The following NFATC3 variants were observed in gnomAD, a reference collection of about 807,000 sequenced individuals.
NFATC3 encodes nuclear factor of activated T cells 3.
A neutral mutation model predicts 98.6 loss-of-function variants in NFATC3; 46 were observed. The ratio of observed to expected loss-of-function variants is 0.47; its 90% CI spans 0.37 to 0.60. The LOEUF (loss-of-function observed/expected upper bound fraction) is 0.60, where lower values mean the gene tolerates loss of function less well. Ranked by LOEUF, NFATC3 falls within the 20% of genes least tolerant of loss-of-function variation. The pLI is 0.00. For synonymous variants in NFATC3, 512 were observed against 472.2 expected (o/e 1.08, Z -1.09); for missense variants, 1,256 against 1,295.5 (o/e 0.97, Z 0.47).
At position 68,226,423 on chromosome 16, in the gene NFATC3, C is replaced by G. The variant is rs1035321962; in HGVS notation, c.3180C>G (p.Pro1060=). 1.7e-5 allele frequency: 26 copies of G among 1,567,278 alleles called. No individual in the cohort carries two copies. The Middle Eastern group carries it at 5.0e-4, about 30-fold the overall frequency. ...SQGAGVSRQA[P]LPSPESLDLG... The stretch of plus-strand genomic sequence containing the variant: ...GAGCAGGGGTGAGCAGGCAGGCTCC[C>G]CTCCCGAGTCCTGAGTCCCTGGATT... Residue 1060 remains proline, a synonymous_variant, in exon 10 of 10, where the codon CCC becomes CCG. Coordinates refer to ENST00000346183, the MANE Select transcript of NFATC3 (RefSeq NM_173165.3).
chr16:68,189,906 A>G (rs2040364845), intron 8 of NFATC3, among the ~76,000 whole-genome samples: 1 of 152,154 alleles, frequency 6.6e-6, no homozygotes, highest in Admixed American at 6.5e-5. Context: ...TCCACAAAAA[A>G]TAAACATGAG....
Position 68,144,661 on chromosome 16 carries a change from A to AT in NFATC3, c.1402-13200dup, listed in dbSNP as rs1206200827. Reference sequence around the variant, plus strand: ...CGCCTAGCCTCAACTTCATTTTTTTATTTTTTTTATTTTTTAGATGGAGTC... The same window carrying AT: ...CGCCTAGCCTCAACTTCATTTTTTTATTTTTTTTTATTTTTTAGATGGAGTC... On this transcript the variant is annotated intron_variant, in intron 3 of 9. Transcript: ENST00000346183. Among the ~76,000 whole-genome samples the AT allele has an allele frequency of 4.0e-5, 6 of 151,156 alleles. No individual in the cohort carries two copies. In the East Asian group the frequency reaches 7.8e-4, roughly 20 times the overall value.
At chr16:68,138,500 T>G (rs1259039887) in intron 3 of NFATC3, 2 of 1,264,858 alleles carry the variant, frequency 1.6e-6, no homozygotes, top group African/African-American at 3.1e-5. Context: ...TTCTTTCAAA[T>G]TGTTGCTCAG....
chr16:68,175,027 C>T (rs1247384932), intron 6 of NFATC3, among the ~76,000 whole-genome samples: 1 of 152,122 alleles, frequency 6.6e-6, no homozygotes, highest in East Asian at 1.9e-4. Context: ...AACCTAAATG[C>T]TCACCAACTG....
rs749121150 is a variant in NFATC3 at position 68,122,630 on chromosome 16, C to T, written c.747C>T (p.Val249=). Residue 249 remains valine (V), a synonymous_variant, in exon 2 of 10, where the codon GTC becomes GTT. Transcript: ENST00000346183. ...QSPCHSPRSS[V]TDENWLSPRP... is the part of the protein sequence containing the mutation. ...CTTGCCACTCTCCTAGATCCAGTGT[C>T]ACTGATGAGAATTGGCTGAGCCCCA... The T allele has an allele frequency of 3.7e-5, 59 of 1,614,046 alleles. No individual in the cohort carries two copies. The highest frequency in any genetic ancestry group is 4.7e-5 in the Non-Finnish European group (56 of 1,180,046).
rs151285084 is a variant in NFATC3 at position 68,215,034 on chromosome 16, T to C, written c.3107-11316T>C. On this transcript the variant is annotated intron_variant, in intron 9 of 9. Coordinates refer to ENST00000346183, the MANE Select transcript of NFATC3 (RefSeq NM_173165.3). ...TGTCATGTTGGCTCCTTTCTTCAAATACTATGAAAGCCACTTAAGAAAATA... is the reference window on the plus strand; with the variant it reads ...TGTCATGTTGGCTCCTTTCTTCAAACACTATGAAAGCCACTTAAGAAAATA... Among the ~76,000 whole-genome samples the C allele has an allele frequency of 5.0e-3, 769 of 152,288 alleles. 8 individuals carry two copies. The highest frequency in any genetic ancestry group is 0.017 in the African/African-American group (703 of 41,560).
intron 9 of NFATC3, among the ~76,000 whole-genome samples, chr16:68,206,208 C>T (rs1249283927): frequency 3.9e-5 from 6 of 152,182 alleles, no homozygotes; most frequent in Non-Finnish European, 8.8e-5. Flanking sequence ...TAAGTCATTT[C>T]ACACAATGTT....
intron 1 of NFATC3, among the ~76,000 whole-genome samples, chr16:68,093,498 C>T (rs1489185086): frequency 6.6e-6 from 1 of 152,118 alleles, no homozygotes; most frequent in Non-Finnish European, 1.5e-5. Context: ...CCTACATTTC[C>T]TTCTTGTGGA....
chr16:68,133,975 G>C (rs2037256222), intron 3 of NFATC3, among the ~76,000 whole-genome samples: 1 of 151,766 alleles, frequency 6.6e-6, no homozygotes, highest in Non-Finnish European at 1.5e-5. Context: ...CAAAGTGGCT[G>C]TGCCAATTTA....
At chr16:68,158,187 A>G (rs1391476146) in intron 4 of NFATC3, 119 bp downstream of exon 4, 3 of 652,272 alleles carry the variant, frequency 4.6e-6, no homozygotes, top group East Asian at 5.9e-5. Context: ...TATGTAAATA[A>G]TGTACATTTA....
intron 4 of NFATC3, among the ~76,000 whole-genome samples, chr16:68,164,809 G>A (rs2039110259): frequency 6.6e-6 from 1 of 152,128 alleles, no homozygotes; most frequent in East Asian, 1.9e-4. Context: ...GAACCCGGGA[G>A]GCAGAGGTTG....
At chr16:68,103,504 T>C (rs1199151304) in intron 1 of NFATC3, among the ~76,000 whole-genome samples, 2 of 152,234 alleles carry the variant, frequency 1.3e-5, no homozygotes, top group East Asian at 3.8e-4. Flanking sequence ...GCCACTGGGC[T>C]TGGCCTCACT....
intron 8 of NFATC3, among the ~76,000 whole-genome samples, chr16:68,185,601 C>A (rs1039252604): frequency 1.3e-5 from 2 of 151,952 alleles, no homozygotes; most frequent in East Asian, 3.9e-4. Context: ...AGGGGCCGGG[C>A]GCGGTGGCTC....
rs73612699 is a variant in NFATC3 at position 68,128,520 on chromosome 16, T to C, written c.1401+1910T>C. Among the ~76,000 whole-genome samples the C allele has an allele frequency of 4.9e-3, 742 of 152,218 alleles. 8 individuals are homozygous for C. Among genetic ancestry groups the C allele is most frequent in the African/African-American group, 0.017 (703 of 41,554 alleles). Reference sequence around the variant, plus strand: ...TTACAAGTGTATAAATGAACAAGTCTTTTGGGAGGGTACATGATTTGTTTC... The same window carrying C: ...TTACAAGTGTATAAATGAACAAGTCCTTTGGGAGGGTACATGATTTGTTTC... On this transcript the variant is annotated intron_variant, in intron 3 of 9. Coordinates refer to ENST00000346183, the MANE Select transcript of NFATC3 (RefSeq NM_173165.3).
At chr16:68,115,850 A>G (rs2036249449) in intron 1 of NFATC3, among the ~76,000 whole-genome samples, 1 of 152,110 alleles carries the variant, frequency 6.6e-6, no homozygotes, top group Admixed American at 6.6e-5. Flanking sequence ...TTGCACATCT[A>G]ATTTGATAAC....
intron 3 of NFATC3, among the ~76,000 whole-genome samples, chr16:68,153,250 G>A (rs186858507): frequency 1.4e-3 from 220 of 152,142 alleles, no homozygotes; most frequent in Non-Finnish European, 2.4e-3. Flanking sequence ...GTGAAACCCC[G>A]TCTCTACTAA....
intron 9 of NFATC3, among the ~76,000 whole-genome samples, chr16:68,221,034 A>G (rs1300557143): frequency 6.6e-6 from 1 of 152,236 alleles, no homozygotes; most frequent in African/African-American, 2.4e-5. Flanking sequence ...GGCATGAGCC[A>G]TGGCACCTGG....
intron 3 of NFATC3, among the ~76,000 whole-genome samples, chr16:68,133,883 TTAA>T (rs2037248382): frequency 1.3e-5 from 2 of 150,982 alleles, no homozygotes; most frequent in South Asian, 4.2e-4. Context: ...GCCCTTTTTT[TTAA>T]AAAAAAAAAA....
In NFATC3 at chr16:68,190,817, A is replaced by G. The variant is rs142683845; in HGVS notation, c.2148A>G (p.Pro716=). The G allele has an allele frequency of 1.8e-5, 29 of 1,613,674 alleles. No individual in the cohort carries two copies. Among genetic ancestry groups the G allele is most frequent in the African/African-American group, 5.3e-5 (4 of 74,924 alleles). Residue 716 remains proline, a synonymous_variant, in exon 9 of 10, where the codon CCA becomes CCG. Transcript: ENST00000346183. ...AAGAGATTGATTTGTCTTCAGTTCCATCTTTGCCTGTGCCTCATCCTGCTC... is the reference window on the plus strand; with the variant it reads ...AAGAGATTGATTTGTCTTCAGTTCCGTCTTTGCCTGTGCCTCATCCTGCTC... ...HREEIDLSSV[P]SLPVPHPAQT...
Sources: gnomAD v4.1 joint callset for allele counts (sites outside exome capture counted in the v4.1 genomes callset) on GRCh38, gnomAD v4.1.1 for gene constraint, MANE v1.5 for transcripts, NCBI Gene and HGNC (gene_info 2026-07-23, HGNC 2026-07-21) for gene names.